Variants in KCP observed in about 807,000 individuals in gnomAD.
KCP encodes the protein kielin/chordin-like protein.
In KCP, 194 loss-of-function variants were observed where a neutral mutation model predicts 212.7. The observed-to-expected ratio is 0.91, with a 90% confidence interval of 0.81 to 1.03. The LOEUF is 1.03. Among genes scored for constraint, KCP ranks in the 50% least tolerant of loss-of-function variants. The probability of loss-of-function intolerance (pLI) is 0.00; values close to 1 mark genes in which losing one functional copy is unlikely to be tolerated. For missense variants in KCP, 2,080 were observed against 2,162.5 expected (o/e 0.96, Z 0.76); for synonymous variants, 833 against 865.3 (o/e 0.96, Z 0.65).
chr7:128,881,266 C>A (rs1325589448), intron 31 of KCP, among the ~76,000 whole-genome samples, 181 bp from the exon 32 acceptor site: 1 of 152,232 alleles, frequency 6.6e-6, no homozygotes, highest in Non-Finnish European at 1.5e-5. Context: ...CACATCAGAG[C>A]TCAGGATGTC....
At chr7:128,888,045 A>T (rs1009711135) in intron 22 of KCP, among the ~76,000 whole-genome samples, 5 of 146,118 alleles carry the variant, frequency 3.4e-5, no homozygotes, top group Admixed American at 6.8e-5. Context: ...ACACACACAC[A>T]CACACACATC....
In KCP at chr7:128,887,261, G is replaced by A. The variant is rs769539363; in HGVS notation, c.2552C>T (p.Thr851Ile). The A allele has an allele frequency of 6.4e-7, 1 of 1,551,430 alleles. No individual in the cohort carries two copies. Among genetic ancestry groups the A allele is most frequent in the Non-Finnish European group, 8.7e-7 (1 of 1,146,836 alleles). The change falls in exon 23 of 40, where the codon ACC becomes ATC. Residue 851 changes from threonine to isoleucine, a missense_variant. By Grantham distance (89) the Thr-to-Ile change is moderately conservative (BLOSUM62 -1). Coordinates refer to ENST00000610776, the MANE Select transcript of KCP (RefSeq NM_001366122.1). Reference protein sequence around the residue: ...YHGVTTASGETLPDPLDPTCS... With the variant: ...YHGVTTASGEILPDPLDPTCS... The stretch of plus-strand genomic sequence containing the variant: ...GGTAGGGTCAAGTGGGTCAGGAAGG[G>A]TCTCTCCGGAGGCAGTAGTGACGCC...
In KCP at chr7:128,891,052, C is replaced by T; in HGVS notation, c.2017G>A (p.Ala673Thr). The change falls in exon 20 of 40, where the codon GCC becomes ACC. Residue 673 changes from alanine to threonine, a missense_variant. Ala to Thr is a moderately conservative substitution (Grantham distance 58, BLOSUM62 0). Coordinates refer to ENST00000610776, the MANE Select transcript of KCP (RefSeq NM_001366122.1). ...GGGGAGAAGTACTCCTGGTGGCGGGCGTGGGCCGCGCCGGGCCGTGGGCAG... is the reference window on the plus strand; with the variant it reads ...GGGGAGAAGTACTCCTGGTGGCGGGTGTGGGCCGCGCCGGGCCGTGGGCAG... Reference protein sequence around the residue: ...AGCPRPGAAHARHQEYFSPPG... With the variant: ...AGCPRPGAAHTRHQEYFSPPG... The T allele has an allele frequency of 7.2e-7, 1 of 1,392,348 alleles. No individual in the cohort carries two copies. Among genetic ancestry groups the T allele is most frequent in the Non-Finnish European group, 9.3e-7 (1 of 1,080,634 alleles). 86.2% of individuals were successfully genotyped at this position (1,392,348 alleles called of 1,614,324 possible). A position where few individuals can be genotyped will look rare whatever the true frequency, so the allele number is the denominator to read the frequency against.
chr7:128,887,250 G>A lies in KCP; in HGVS notation c.2563C>T (p.Pro855Ser). ...CAGAGGGAGCAGGTAGGGTCAAGTG[G>A]GTCAGGAAGGGTCTCTCCGGAGGCA... ...TTASGETLPD[P>S]LDPTCSLCTC... The change falls in exon 23 of 40, where the codon CCA (proline) becomes TCA (serine). Residue 855 changes from proline (P) to serine (S), a missense_variant. By Grantham distance (74) the Pro-to-Ser change is moderately conservative. Transcript: ENST00000610776. 1 of 1,551,426 alleles carries A rather than the reference G, an allele frequency of 6.4e-7. No homozygotes were observed. Among genetic ancestry groups the A allele is most frequent in the Non-Finnish European group, 8.7e-7 (1 of 1,146,836 alleles).
At chr7:128,909,260 C>A (rs1795307388) in intron 1 of KCP, among the ~76,000 whole-genome samples, 1 of 152,032 alleles carries the variant, frequency 6.6e-6, no homozygotes. Flanking sequence ...CAGGGATGGG[C>A]AGGGAAGTTG....
Position 128,890,959 on chromosome 7 carries a change from G to A in KCP, c.2110C>T (p.Pro704Ser), listed in dbSNP as rs1585220446. The A allele has an allele frequency of 7.9e-7, 1 of 1,264,904 alleles. No individual in the cohort carries two copies. The highest frequency in any genetic ancestry group is 1.6e-5 in the African/African-American group (1 of 64,260). The allele number at this position is 1,264,904 out of a possible 1,614,324, so 78.4% of individuals were successfully genotyped here. Residue 704 changes from proline to serine, a missense_variant, in exon 20 of 40, where the codon CCG (proline) becomes TCG (serine). Coordinates refer to ENST00000610776, the MANE Select transcript of KCP (RefSeq NM_001366122.1). Reference protein sequence around the residue: ...GSVSCQRLPCPPAPCAHPRQG... With the variant: ...GSVSCQRLPCSPAPCAHPRQG... ...CGCGGGTGCGCGCAGGGCGCGGGCG[G>A]GCAGGGCAGCCGCTGGCAGGACACG...
At chr7:128,884,739 C>T (rs548492998) in intron 28 of KCP, 42 bp downstream of exon 28, 5 of 1,535,168 alleles carry the variant, frequency 3.3e-6, no homozygotes, top group Admixed American at 2.0e-5. Context: ...CCCACTCCCC[C>T]CCGACGAGGT....
rs1463838634 is a variant in KCP, at chr7:128,879,969, G to A, written c.3876C>T (p.His1292=). The change falls in exon 35 of 40, where the codon CAC becomes CAT. Residue 1292 remains histidine (H), a synonymous_variant. Transcript: ENST00000610776. ...HYRTFDGRLL[H]FQGSCSYVLA... is the part of the protein sequence containing the mutation. ...GCACATAGCTGCAACTGCCCTGGAA[G>A]TGCAGCAGGCGGCCGTCGAAGGTGC... 1 of 1,550,744 alleles carries A rather than the reference G, an allele frequency of 6.4e-7. No homozygotes were observed. Among genetic ancestry groups the A allele is most frequent in the Non-Finnish European group, 8.7e-7 (1 of 1,146,968 alleles).
intron 2 of KCP, 123 bp from the exon 3 acceptor site, chr7:128,907,576 G>T (rs963449819): frequency 5.2e-6 from 3 of 573,534 alleles, no homozygotes; most frequent in Non-Finnish European, 8.2e-6. Context: ...AGCAGAGATG[G>T]GTCCCCCTCG....
chr7:128,878,315 C>T (rs1028240079), intron 38 of KCP, among the ~76,000 whole-genome samples: 6 of 152,166 alleles, frequency 3.9e-5, no homozygotes, highest in African/African-American at 1.4e-4. Context: ...ACCTCGGCAT[C>T]CCAAAGTGCT....
intron 5 of KCP, among the ~76,000 whole-genome samples, chr7:128,904,984 A>AGT (rs10562667): frequency 5.6e-4 from 84 of 151,066 alleles, no homozygotes; most frequent in Middle Eastern, 3.4e-3. Context: ...TGCCCTGAAG[A>AGT]GTGTGTGTGT....
chr7:128,893,716 CT>C (rs1794332563), intron 11 of KCP, 89 bp downstream of exon 11: 1 of 1,374,486 alleles, frequency 7.3e-7, no homozygotes. Flanking sequence ...GTAACAGGGG[CT>C]TAGGTCCAAG....
In KCP at chr7:128,877,582, G is replaced by A. The variant is rs891332196; in HGVS notation, c.4520C>T (p.Ser1507Phe). The stretch of plus-strand genomic sequence containing the variant: ...ATCACAGAGGCAGGCATCAGCGGAG[G>A]AGCCAGGGCCACAGGCACACAGGTC... ...VYDLCACGPG[S>F]SADACLCDAL... The change falls in exon 39 of 40, where the codon TCC becomes TTC. Residue 1507 changes from serine (S) to phenylalanine (F), a missense_variant. Transcript: ENST00000610776. 5.2e-6 allele frequency: 8 copies of A among 1,551,522 alleles called. No homozygotes were observed. The highest frequency in any genetic ancestry group is 1.2e-5 in the South Asian group (1 of 84,070).
chr7:128,882,842 C>G (rs928609995), intron 29 of KCP, among the ~76,000 whole-genome samples: 25 of 152,170 alleles, frequency 1.6e-4, no homozygotes, highest in African/African-American at 6.0e-4. Context: ...GAGGCTGAGG[C>G]GGGTGGATCA....
rs1418207163 is a variant in KCP at position 128,878,614 on chromosome 7, G to A, written c.4255C>T (p.Gln1419Ter). 1 of 1,551,514 alleles carries A rather than the reference G, an allele frequency of 6.4e-7. No individual in the cohort carries two copies. The highest frequency in any genetic ancestry group is 2.0e-5 in the Admixed American group (1 of 51,006). Residue 1419 changes from glutamine (Q) to a stop codon, truncating the protein, a stop_gained, in exon 38 of 40, where the codon CAG becomes TAG. Transcript: ENST00000610776. LOFTEE classifies it high-confidence loss of function. ...NFNGFAQDDL[Q>*]GPEGLLLPSE... ...GGCAGGAGCAGCCCCTCAGGGCCCT[G>A]CAGATCGTCCTGGGCAAAGCCATTG...
intron 1 of KCP, 129 bp from the exon 2 acceptor site, chr7:128,908,697 A>G: frequency 2.0e-6 from 2 of 1,004,518 alleles, no homozygotes. Context: ...CCAATTGCCC[A>G]CCCACCATCC....
At position 128,877,810 on chromosome 7, in the gene KCP, C is replaced by A; in HGVS notation, c.4312-20G>T. On this transcript the variant is annotated intron_variant, in intron 38 of 39. Coordinates refer to ENST00000610776, the MANE Select transcript of KCP (RefSeq NM_001366122.1). ...TGAGACCTGGGTGGGGAGAGCAGCC[C>A]TGACGTGACAGCACCACTGGCAGCT... The A allele has an allele frequency of 6.5e-7, 1 of 1,531,994 alleles. No homozygotes were observed. Among genetic ancestry groups the A allele is most frequent in the Admixed American group, 2.0e-5 (1 of 50,296 alleles). 94.9% of individuals were successfully genotyped at this position (1,531,994 alleles called of 1,614,324 possible).
rs935659542 is a variant in KCP at position 128,891,005 on chromosome 7, G to A, written c.2064C>T (p.Arg688=). The change falls in exon 20 of 40, where the codon CGC becomes CGT. Residue 688 remains arginine, a synonymous_variant. Coordinates refer to ENST00000610776, the MANE Select transcript of KCP (RefSeq NM_001366122.1). ...YFSPPGDPCR[R]CLCLDGSVSC... The stretch of plus-strand genomic sequence containing the variant: ...ACACGGAGCCGTCGAGGCAGAGGCA[G>A]CGGCGGCAGGGATCGCCGGGCGGGG... 6 of 1,344,500 alleles carry A rather than the reference G, an allele frequency of 4.5e-6. No homozygotes were observed. In the African/African-American group the frequency reaches 7.7e-5, roughly 17 times the overall value. 83.3% of individuals were successfully genotyped at this position (1,344,500 alleles called of 1,614,324 possible).
intron 20 of KCP, 145 bp from the exon 21 acceptor site, chr7:128,890,658 G>A: frequency 1.4e-6 from 1 of 707,588 alleles, no homozygotes; most frequent in Non-Finnish European, 2.3e-6. Flanking sequence ...CCGTGAGGGC[G>A]GGGAGGCCGT....
Sources: allele counts gnomAD v4.1 joint callset (sites outside exome capture counted in the v4.1 genomes callset), GRCh38; gene constraint gnomAD v4.1.1; transcripts MANE v1.5; gene names NCBI Gene and HGNC (gene_info 2026-07-23, HGNC 2026-07-21).